Variants in OLFM1 observed in about 807,000 individuals in gnomAD.
OLFM1 encodes noelin.
A neutral mutation model predicts 49.7 loss-of-function variants in OLFM1; 9 were observed. The observed-to-expected ratio is 0.18, with a 90% CI of 0.11 to 0.32. OLFM1 has a LOEUF of 0.32. OLFM1 is among the 10% of genes least tolerant of loss of function. The pLI, the probability that OLFM1 is intolerant of heterozygous loss-of-function variation, is 1.00. For missense variants in OLFM1, 369 were observed against 661.8 expected, an observed-to-expected ratio of 0.56 and a Z score of 4.85; for synonymous variants, 240 against 271.8, an observed-to-expected ratio of 0.88 and a Z score of 1.15.
chr9:135,111,724 T>A (rs551481707), intron 5 of OLFM1, among the ~76,000 whole-genome samples: 1 of 152,286 alleles, frequency 6.6e-6, no homozygotes, highest in African/African-American at 2.4e-5. Flanking sequence ...ATATTCTTTT[T>A]TTTTGAGACG....
At chr9:135,081,663 A>T (rs778836635) in intron 1 of OLFM1, among the ~76,000 whole-genome samples, 7 of 152,220 alleles carry the variant, frequency 4.6e-5, no homozygotes, top group Non-Finnish European at 7.3e-5. Context: ...CATGTGCATG[A>T]CAACTTGAGA....
Position 135,120,034 on chromosome 9 carries a change from C to T in OLFM1, c.1314C>T (p.Ile438=), listed in dbSNP as rs199895479. 706 of 1,614,024 alleles carry T rather than the reference C, an allele frequency of 4.4e-4. 10 individuals carry two copies. In the South Asian group the frequency reaches 7.0e-3, roughly 16 times the overall value. The part of the protein sequence containing the change: ...YQTNASTYEY[I]DIPFQNKYSH... ...CCAATGCCTCCACCTATGAATACAT[C>T]GACATCCCATTCCAGAACAAATACT... Residue 438 remains isoleucine (I), a synonymous_variant, in exon 6 of 6, where the codon ATC becomes ATT. Coordinates refer to ENST00000371793, the MANE Select transcript of OLFM1 (RefSeq NM_001282611.2).
intron 4 of OLFM1, among the ~76,000 whole-genome samples, chr9:135,105,302 C>T (rs192950337): frequency 3.9e-5 from 6 of 152,320 alleles, no homozygotes; most frequent in Admixed American, 2.0e-4. Flanking sequence ...CAATGCAGCC[C>T]GACTCGATGG....
At chr9:135,075,644 G>GGCCAGAGCCGGAGC in exon 1 of OLFM1, 1 of 1,237,416 alleles carries the variant, frequency 8.1e-7, no homozygotes, top group Non-Finnish European at 1.1e-6. Flanking sequence ...GCGGAGCCGG[G>GGCCAGAGCCGGAGC]GCCAGAGCCG....
In OLFM1 at chr9:135,080,819, G is replaced by A. The variant is rs544634196; in HGVS notation, c.96+5017G>A. ...GCCAATTTCCAGCTCTGAAAGATTC[G>A]TCCTGGACACCCTGCACGCTCGGAA... On this transcript the variant is annotated intron_variant, in intron 1 of 5. Transcript: ENST00000252854. The surrounding 1 kb of genome is among the most constrained non-coding windows in gnomAD (Gnocchi z 4.5). Among the ~76,000 whole-genome samples the A allele has an allele frequency of 3.2e-4, 48 of 152,234 alleles. No homozygotes were observed. Among genetic ancestry groups the A allele is most frequent in the Non-Finnish European group, 3.5e-4 (24 of 68,024 alleles).
chr9:135,108,231 A>G (rs1446633187), intron 5 of OLFM1, among the ~76,000 whole-genome samples: 1 of 152,218 alleles, frequency 6.6e-6, no homozygotes, highest in Non-Finnish European at 1.5e-5. Flanking sequence ...TTTATTCCAC[A>G]TCCCACCTGG....
chr9:135,087,936 G>C lies in OLFM1; in HGVS notation c.-54G>C, dbSNP rs1232446130. 3.7e-6 allele frequency: 5 copies of C among 1,342,782 alleles called. No individual in the cohort carries two copies. In the African/African-American group the frequency reaches 7.7e-5, roughly 21 times the overall value. 83.2% of individuals were successfully genotyped at this position (1,342,782 alleles called of 1,614,324 possible). On this transcript the variant is annotated 5_prime_UTR_variant, in exon 1 of 6. Transcript: ENST00000371793. The stretch of plus-strand genomic sequence containing the variant: ...GTGCCCGCCGCCTGAAGGCCGCCTG[G>C]GCGCGGGAGCCGGTGCCAGCTCGGA...
chr9:135,100,591 AG>A (rs1476891784), intron 4 of OLFM1, among the ~76,000 whole-genome samples: 3 of 152,222 alleles, frequency 2.0e-5, no homozygotes, highest in African/African-American at 7.2e-5. Context: ...ATCTGCCCGT[AG>A]CCAGCACCCA....
chr9:135,087,141 C>T, upstream of OLFM1: 11 of 1,178,924 alleles, frequency 9.3e-6, no homozygotes, highest in Non-Finnish European at 1.2e-5. Context: ...GCGCCTTTAG[C>T]TCTCCACCGA....
At chr9:135,082,409 G>A (rs548260023) in intron 1 of OLFM1, among the ~76,000 whole-genome samples, 26 of 25,894 alleles carry the variant, frequency 1.0e-3, no homozygotes, top group African/African-American at 2.9e-3. Context: ...CCTGAGTGGT[G>A]CTGAAAAGAA....
In OLFM1 at chr9:135,090,497, T is replaced by C. The variant is rs73560301; in HGVS notation, c.300+153T>C. 2.3e-3 allele frequency among the ~76,000 whole-genome samples: 357 copies of C among 152,220 alleles called. 2 individuals are homozygous for C. The highest frequency in any genetic ancestry group is 8.1e-3 in the African/African-American group (337 of 41,518). On this transcript the variant is annotated intron_variant, in intron 2 of 5. Coordinates refer to ENST00000371793, the MANE Select transcript of OLFM1 (RefSeq NM_001282611.2). ...TCCTGGTTTGTCTCCACTCAAAATA[T>C]TTGTGAATGAGTGAAAGGGTGGATG...
chr9:135,115,837 C>T (rs1013651190), intron 5 of OLFM1, among the ~76,000 whole-genome samples: 3 of 152,192 alleles, frequency 2.0e-5, no homozygotes, highest in African/African-American at 7.2e-5. Flanking sequence ...CCTGGGTGCA[C>T]GGGCTCATGT....
intron 2 of OLFM1, among the ~76,000 whole-genome samples, chr9:135,092,129 G>A (rs1830725248): frequency 1.3e-5 from 2 of 152,216 alleles, no homozygotes; most frequent in African/African-American, 4.8e-5. Flanking sequence ...CCTGGTGAGA[G>A]GACAGCATTG....
rs879295581 is a variant in OLFM1 at position 135,104,472 on chromosome 9, C to T, written c.677-2277C>T. ...GGTTCCGGGCGTTAGTGTGGGCCAG[C>T]GTCACGGAAGGCCCGGCGTGTTGAC... is the stretch of plus-strand genomic sequence containing the variant. On this transcript the variant is annotated intron_variant, in intron 4 of 5. Transcript: ENST00000371793. Among the ~76,000 whole-genome samples the T allele has an allele frequency of 2.0e-4, 31 of 152,318 alleles. No individual in the cohort carries two copies. In the East Asian group the frequency reaches 4.1e-3, roughly 20 times the overall value.
intron 1 of OLFM1, among the ~76,000 whole-genome samples, chr9:135,078,547 G>A (rs912296503): frequency 2.0e-5 from 3 of 152,236 alleles, no homozygotes; most frequent in Admixed American, 2.0e-4. Context: ...GGTGAACTTT[G>A]TCCTCAGACA....
chr9:135,077,497 A>G (rs943204282), intron 1 of OLFM1: 1 of 374,406 alleles, frequency 2.7e-6, no homozygotes, highest in African/African-American at 2.0e-5. Flanking sequence ...TTGTCCATCC[A>G]CACGAAGGGT....
At position 135,087,738 on chromosome 9, in the gene OLFM1, GGGCGGGCGGCGCGAGGCGCAGGGCGC is replaced by G. The variant is rs1237070036; in HGVS notation, c.-244_-219del. The G allele has an allele frequency of 4.5e-5, 18 of 403,288 alleles. No homozygotes were observed. The highest frequency in any genetic ancestry group is 5.7e-5 in the Non-Finnish European group (17 of 299,776). The allele number at this position is 403,288 out of a possible 1,614,324, so 25.0% of individuals were successfully genotyped here. A position where few individuals can be genotyped will look rare whatever the true frequency, so the allele number is the denominator to read the frequency against. ...ACGCAGCCGGGCAAGGCAGGGCGCA[GGGCGGGCGGCGCGAGGCGCAGGGCGC>G]GGCGGGCAGAGGCCACCTGGCCACC... On this transcript the variant is annotated 5_prime_UTR_variant, in exon 1 of 6. Transcript: ENST00000371793.
Position 135,087,760 on chromosome 9 carries a change from G to A in OLFM1, c.-230G>A. 1 of 468,518 alleles carries A rather than the reference G, an allele frequency of 2.1e-6. No homozygotes were observed. The highest frequency in any genetic ancestry group is 2.8e-6 in the Non-Finnish European group (1 of 359,936). 29.0% of individuals were successfully genotyped at this position (468,518 alleles called of 1,614,324 possible). A position where few individuals can be genotyped will look rare whatever the true frequency, so the allele number is the denominator to read the frequency against. On this transcript the variant is annotated 5_prime_UTR_variant, in exon 1 of 6. Transcript: ENST00000371793. ...GCAGGGCGGGCGGCGCGAGGCGCAG[G>A]GCGCGGCGGGCAGAGGCCACCTGGC...
intron 2 of OLFM1, among the ~76,000 whole-genome samples, chr9:135,094,795 T>A (rs1830764631): frequency 6.6e-6 from 1 of 152,196 alleles, no homozygotes; most frequent in African/African-American, 2.4e-5. Context: ...TGTCCTCTTT[T>A]CACACTGACC....
Sources: allele counts gnomAD v4.1 joint callset (sites outside exome capture counted in the v4.1 genomes callset), GRCh38; gene constraint gnomAD v4.1.1; non-coding constraint Gnocchi (gnomAD v3.1); transcripts MANE v1.5; gene names NCBI Gene and HGNC (gene_info 2026-07-23, HGNC 2026-07-21).